Variants in FAT3 observed in about 807,000 individuals in gnomAD.
FAT3 encodes protocadherin Fat 3.
A neutral mutation model predicts 310.2 loss-of-function variants in FAT3; 95 were observed. The ratio of observed to expected loss-of-function variants is 0.31; its 90% CI spans 0.26 to 0.36. FAT3 has a LOEUF of 0.36. Ranked by LOEUF, FAT3 falls within the 10% of genes least tolerant of loss-of-function variation. The pLI is 1.00. For missense variants in FAT3, 5,408 were observed against 5,715.6 expected (o/e 0.95, Z 1.74); for synonymous variants, 2,314 against 2,192.9 (o/e 1.06, Z -1.54).
chr11:92,888,437 G>A (rs753928087), intron 25 of FAT3, among the ~76,000 whole-genome samples: 1 of 152,134 alleles, frequency 6.6e-6, no homozygotes, highest in Admixed American at 6.5e-5. Flanking sequence ...GCTCTGCTGT[G>A]TGCACCCTGA....
At chr11:92,641,533 G>A (rs1457479961) in intron 3 of FAT3, among the ~76,000 whole-genome samples, 1 of 152,122 alleles carries the variant, frequency 6.6e-6, no homozygotes. Flanking sequence ...GGTATTCCTT[G>A]GCTTGAGGCT....
rs776336210 is a variant in FAT3, at chr11:92,354,053, C to G, written c.1941C>G (p.Gly647=). The part of the protein sequence containing the change: ...KSLTNSGIKN[G]NFALRITATD... Reference sequence around the variant, plus strand: ...TGACAAATTCTGGCATTAAAAATGGCAATTTTGCCCTCAGAATTACAGCAA... The same window carrying G: ...TGACAAATTCTGGCATTAAAAATGGGAATTTTGCCCTCAGAATTACAGCAA... Residue 647 remains glycine, a synonymous_variant, in exon 2 of 28, where the codon GGC becomes GGG. Transcript: ENST00000525166. 1 of 1,613,512 alleles carries G rather than the reference C, an allele frequency of 6.2e-7. No homozygotes were observed. Among genetic ancestry groups the G allele is most frequent in the Non-Finnish European group, 8.5e-7 (1 of 1,179,738 alleles).
intron 1 of FAT3, among the ~76,000 whole-genome samples, chr11:92,305,948 T>A (rs1221439651): frequency 1.3e-5 from 2 of 152,162 alleles, no homozygotes; most frequent in Non-Finnish European, 2.9e-5. Flanking sequence ...AGTATCAATG[T>A]TAATTTCCTA....
chr11:92,721,991 G>A (rs528100768), intron 4 of FAT3, among the ~76,000 whole-genome samples: 26 of 152,068 alleles, frequency 1.7e-4, no homozygotes, highest in African/African-American at 5.8e-4. Context: ...TGAGATTTGG[G>A]TGGGGACAGG....
rs549379119 is a variant in FAT3, at chr11:92,674,700, T to TTG, written c.3608-22673_3608-22672dup. On this transcript the variant is annotated intron_variant, in intron 3 of 27. Coordinates refer to ENST00000525166, the MANE Select transcript of FAT3 (RefSeq NM_001367949.2). ...ACCATGCCCAGCTAATTTTTGTATT[T>TTG]TGTGTGTGTGTGGAGACGGGGTCTC... is the stretch of plus-strand genomic sequence containing the variant. 4.3e-4 allele frequency among the ~76,000 whole-genome samples: 66 copies of TTG among 151,922 alleles called. 1 individual carries two copies. The South Asian group carries it at 0.01, about 23-fold the overall frequency.
intron 6 of FAT3, 143 bp downstream of exon 6, chr11:92,765,232 C>T (rs906434229): frequency 3.1e-5 from 23 of 753,196 alleles, no homozygotes; most frequent in Non-Finnish European, 4.3e-5. Context: ...TGCAAAAGAG[C>T]CAGTAAAGTG....
At chr11:92,574,542 C>G (rs1938365112) in intron 3 of FAT3, among the ~76,000 whole-genome samples, 1 of 152,088 alleles carries the variant, frequency 6.6e-6, no homozygotes, top group African/African-American at 2.4e-5. Context: ...GGGAAATGTA[C>G]TCACCAGTCC....
intron 6 of FAT3, chr11:92,766,632 A>G (rs183952355): frequency 1.3e-5 from 2 of 152,314 alleles, no homozygotes; most frequent in East Asian, 3.9e-4. Flanking sequence ...CTTGGTATTA[A>G]TCATGCCATC....
intron 3 of FAT3, among the ~76,000 whole-genome samples, chr11:92,667,265 A>C (rs1942984584): frequency 6.6e-6 from 1 of 152,186 alleles, no homozygotes; most frequent in Admixed American, 6.5e-5. Context: ...GAGACGTGGC[A>C]GCATCCGTTT....
chr11:92,687,228 A>G (rs1357980552), intron 3 of FAT3, among the ~76,000 whole-genome samples: 1 of 152,170 alleles, frequency 6.6e-6, no homozygotes, highest in African/African-American at 2.4e-5. Flanking sequence ...TATTGTTTCT[A>G]ACCGAGCCTC....
intron 1 of FAT3, among the ~76,000 whole-genome samples, chr11:92,287,498 C>A (rs186321519): frequency 1.3e-5 from 2 of 152,180 alleles, no homozygotes; most frequent in East Asian, 3.9e-4. Flanking sequence ...TGTACTACAG[C>A]CATGTTTAGT....
intron 3 of FAT3, among the ~76,000 whole-genome samples, chr11:92,576,635 GC>G (rs1182970441): frequency 1.8e-4 from 28 of 152,118 alleles, no homozygotes; most frequent in Admixed American, 1.6e-3. Context: ...TCCTCTGACA[GC>G]CAGCAGTAAC....
At chr11:92,733,120 G>A (rs1373486612) in intron 4 of FAT3, among the ~76,000 whole-genome samples, 1 of 152,162 alleles carries the variant, frequency 6.6e-6, no homozygotes. Context: ...TTACACAAGG[G>A]TAGCAAAGAC....
intron 3 of FAT3, among the ~76,000 whole-genome samples, chr11:92,619,269 A>G (rs1414845028): frequency 6.6e-6 from 1 of 152,132 alleles, no homozygotes; most frequent in East Asian, 1.9e-4. Flanking sequence ...TTGCATATAT[A>G]TTCATAAGAG....
chr11:92,503,843 A>T (rs1244604502), intron 2 of FAT3, among the ~76,000 whole-genome samples: 1 of 152,144 alleles, frequency 6.6e-6, no homozygotes, highest in Non-Finnish European at 1.5e-5. Flanking sequence ...AAAGTTCTCT[A>T]TACCTTAGAT....
chr11:92,495,074 C>T (rs1270552383), intron 2 of FAT3, among the ~76,000 whole-genome samples: 1 of 151,758 alleles, frequency 6.6e-6, no homozygotes, highest in East Asian at 1.9e-4. Flanking sequence ...TTTTTTCTTT[C>T]CTGCTAGTCC....
chr11:92,865,923 C>T (rs374627730), intron 21 of FAT3, among the ~76,000 whole-genome samples: 2 of 152,142 alleles, frequency 1.3e-5, no homozygotes, highest in East Asian at 3.9e-4. Flanking sequence ...TCTCTGTTGT[C>T]GCACCCCAAA....
intron 1 of FAT3, among the ~76,000 whole-genome samples, chr11:92,342,743 G>GT (rs1253565466): frequency 1.3e-5 from 2 of 151,718 alleles, no homozygotes; most frequent in Non-Finnish European, 1.5e-5. Context: ...TTTAAAAATC[G>GT]TAAGCATGAG....
intron 21 of FAT3, among the ~76,000 whole-genome samples, chr11:92,866,241 T>C (rs1243508819): frequency 6.6e-6 from 1 of 152,208 alleles, no homozygotes; most frequent in African/African-American, 2.4e-5. Flanking sequence ...AATGGCCACC[T>C]ACCCTACAGA....
Sources: gnomAD v4.1 joint callset for allele counts (sites outside exome capture counted in the v4.1 genomes callset) on GRCh38, gnomAD v4.1.1 for gene constraint, MANE v1.5 for transcripts, NCBI Gene and HGNC (gene_info 2026-07-23, HGNC 2026-07-21) for gene names.